The following BEAN1 variants were observed in gnomAD, a reference collection of about 807,000 sequenced individuals.
BEAN1 encodes the protein protein BEAN1.
BEAN1 carries 17 observed loss-of-function variants against 17.7 expected under a neutral mutation model. The ratio of observed to expected loss-of-function variants is 0.96; its 90% CI spans 0.66 to 1.44. The LOEUF (loss-of-function observed/expected upper bound fraction) is 1.44. BEAN1 is among the 40% of genes most tolerant of loss of function. The pLI is 0.00. For missense variants in BEAN1, 359 were observed against 374.1 expected, an observed-to-expected ratio of 0.96 and a Z score of 0.33; for synonymous variants, 142 against 151.8, an observed-to-expected ratio of 0.94 and a Z score of 0.47.
intron 4 of BEAN1, among the ~76,000 whole-genome samples, chr16:66,492,276 A>C (rs957259824): frequency 1.3e-5 from 2 of 151,558 alleles, no homozygotes; most frequent in Non-Finnish European, 2.9e-5. Flanking sequence ...TCCTGACCTG[A>C]AGTGATCTTC....
intron 4 of BEAN1, among the ~76,000 whole-genome samples, chr16:66,479,693 C>G (rs940569725): frequency 2.6e-5 from 4 of 152,102 alleles, no homozygotes; most frequent in Non-Finnish European, 5.9e-5. Flanking sequence ...GGGATCAAGA[C>G]GGGTTCCTCT....
chr16:66,460,473 T>G (rs186599855), intron 2 of BEAN1, among the ~76,000 whole-genome samples: 2 of 152,206 alleles, frequency 1.3e-5, no homozygotes, highest in Non-Finnish European at 2.9e-5. Context: ...TACCCAGAGA[T>G]AGAACAGATA....
downstream of BEAN1, chr16:66,484,494 C>T (rs1002417162): frequency 2.8e-5 from 12 of 427,966 alleles, no homozygotes; most frequent in South Asian, 1.5e-4. The surrounding 1 kb of genome is among the most constrained non-coding windows in gnomAD (Gnocchi z 4.2). Context: ...AAGGAGATGC[C>T]GCCTGTCTGT....
intron 2 of BEAN1, among the ~76,000 whole-genome samples, chr16:66,442,738 G>A (rs113920479): frequency 2.5e-3 from 385 of 152,298 alleles, no homozygotes; most frequent in African/African-American, 8.9e-3. Context: ...TTTGGTGCTC[G>A]AAATTGACAT....
chr16:66,486,989 G>A (rs1247750380), downstream of BEAN1, among the ~76,000 whole-genome samples: 2 of 152,190 alleles, frequency 1.3e-5, no homozygotes, highest in Non-Finnish European at 2.9e-5. Context: ...TTGAATCTGT[G>A]CCAGCTCTTT....
At position 66,473,350 on chromosome 16, in the gene BEAN1, C is replaced by T. The variant is rs989114993; in HGVS notation, c.289+3485C>T. Among the ~76,000 whole-genome samples the T allele has an allele frequency of 1.3e-5, 2 of 152,168 alleles. No individual in the cohort carries two copies. The highest frequency in any genetic ancestry group is 1.9e-4 in the East Asian group (1 of 5,178). On this transcript the variant is annotated intron_variant, in intron 3 of 4. Transcript: ENST00000536005. The surrounding 1 kb of genome is among the most constrained non-coding windows in gnomAD (Gnocchi z 4.5). ...GGTGGTGGTGACCCCTGTGGGGTTCCGGCCTCCCTGCCCCACTTCTGCACT... is the reference window on the plus strand; with the variant it reads ...GGTGGTGGTGACCCCTGTGGGGTTCTGGCCTCCCTGCCCCACTTCTGCACT...
intron 2 of BEAN1, among the ~76,000 whole-genome samples, chr16:66,465,811 T>A (rs1455641632): frequency 1.3e-5 from 2 of 152,242 alleles, no homozygotes; most frequent in African/African-American, 2.4e-5. Context: ...TCTTTTTAAG[T>A]CTTTTTCCTT....
intron 4 of BEAN1, among the ~76,000 whole-genome samples, chr16:66,488,712 AAAAC>A (rs1212029061): frequency 4.6e-5 from 7 of 151,836 alleles, no homozygotes; most frequent in Admixed American, 2.6e-4. Context: ...ACAAAAAACA[AAAAC>A]AAACAAACAG....
At chr16:66,452,558 T>C (rs1962711574) in intron 2 of BEAN1, among the ~76,000 whole-genome samples, 1 of 152,162 alleles carries the variant, frequency 6.6e-6, no homozygotes, top group Admixed American at 6.6e-5. Flanking sequence ...CAGTGTGACA[T>C]TTACAGAGGT....
At chr16:66,446,080 G>A (rs551597019) in intron 2 of BEAN1, among the ~76,000 whole-genome samples, 1 of 152,248 alleles carries the variant, frequency 6.6e-6, no homozygotes, top group African/African-American at 2.4e-5. Context: ...CTACTCGGGA[G>A]GCTGAGGCAT....
chr16:66,461,191 C>G (rs1299593653), intron 2 of BEAN1, among the ~76,000 whole-genome samples: 4 of 129,100 alleles, frequency 3.1e-5, no homozygotes, highest in Non-Finnish European at 6.5e-5. Context: ...ACAGGGAGAC[C>G]GGGGGTGGGA....
At chr16:66,451,636 T>TATGAGCCAGGCATCCA (rs1428693083) in intron 2 of BEAN1, among the ~76,000 whole-genome samples, 1 of 152,238 alleles carries the variant, frequency 6.6e-6, no homozygotes, top group Non-Finnish European at 1.5e-5. Context: ...GGGCACCTAT[T>TATGAGCCAGGCATCCA]ATGAGCCAGG....
intron 2 of BEAN1, among the ~76,000 whole-genome samples, chr16:66,445,301 C>T (rs766422105): frequency 6.6e-6 from 1 of 151,280 alleles, no homozygotes; most frequent in Non-Finnish European, 1.5e-5. Flanking sequence ...ACGATGAAAC[C>T]CTGTCTCTAC....
At chr16:66,428,428 C>G (rs1041235144) in intron 1 of BEAN1, 11 of 152,320 alleles carry the variant, frequency 7.2e-5, no homozygotes, top group Non-Finnish European at 2.9e-5. Context: ...TCTGGACTCA[C>G]TCCTCAAACA....
In BEAN1 at chr16:66,427,493, C is replaced by A. The variant is rs1218320105; in HGVS notation, c.-83+62C>A. On this transcript the variant is annotated intron_variant, in intron 1 of 4. Coordinates refer to ENST00000536005, the MANE Select transcript of BEAN1 (RefSeq NM_001178020.3). The surrounding 1 kb of genome is among the most constrained non-coding windows in gnomAD (Gnocchi z 4.7). ...CGGGCGGGGGGTCCCGGCCCCATTC[C>A]CCCGCGCTCTGCGGTGGTACCGGCG... is the stretch of plus-strand genomic sequence containing the variant. 1 of 151,470 alleles carries A rather than the reference C, an allele frequency of 6.6e-6. No individual in the cohort carries two copies. The highest frequency in any genetic ancestry group is 2.0e-4 in the East Asian group (1 of 5,082). The allele number at this position is 151,470 out of a possible 1,614,324, so 9.4% of individuals were successfully genotyped here.
chr16:66,486,268 G>A (rs901562903), downstream of BEAN1, among the ~76,000 whole-genome samples: 16 of 152,174 alleles, frequency 1.1e-4, no homozygotes, highest in South Asian at 6.2e-4. Flanking sequence ...TCACCCTGTC[G>A]CCCACACTGG....
chr16:66,480,559 G>T (rs1297918062), intron 4 of BEAN1, 27 bp from the exon 5 acceptor site: 3 of 1,488,744 alleles, frequency 2.0e-6, no homozygotes, highest in South Asian at 2.6e-5. Flanking sequence ...CCTAGGTGGG[G>T]CACTGAGGGA....
chr16:66,439,268 A>C (rs567122095), intron 2 of BEAN1, among the ~76,000 whole-genome samples: 1 of 152,218 alleles, frequency 6.6e-6, no homozygotes, highest in East Asian at 1.9e-4. Flanking sequence ...CAGGCTCAAC[A>C]AATTGTTGCT....
downstream of BEAN1, among the ~76,000 whole-genome samples, chr16:66,486,803 G>A (rs962808114): frequency 3.3e-5 from 5 of 152,204 alleles, no homozygotes; most frequent in African/African-American, 7.2e-5. Flanking sequence ...TCAGATCTCA[G>A]TCTGAGCGAT....
Sources: allele counts gnomAD v4.1 joint callset (sites outside exome capture counted in the v4.1 genomes callset), GRCh38; gene constraint gnomAD v4.1.1; non-coding constraint Gnocchi (gnomAD v3.1); transcripts MANE v1.5; gene names NCBI Gene and HGNC (gene_info 2026-07-23, HGNC 2026-07-21).